NRXN1: variants seen among roughly 807,000 people sequenced by gnomAD.
The protein encoded by NRXN1 is neurexin-1.
Under a neutral mutation model 150.9 loss-of-function variants are expected in NRXN1, and 39 were observed. The ratio of observed to expected loss-of-function variants is 0.26; its 90% CI spans 0.20 to 0.34. The LOEUF is 0.34. Ranked by LOEUF, NRXN1 falls within the 10% of genes least tolerant of loss-of-function variation. NRXN1 has a pLI of 1.00. For synonymous variants in NRXN1, 924 were observed against 757.0 expected (o/e 1.22, Z -3.62); for missense variants, 1,815 against 1,949.9 (o/e 0.93, Z 1.30).
intron 5 of NRXN1, among the ~76,000 whole-genome samples, chr2:50,872,644 A>T (rs1677961940): frequency 6.6e-6 from 1 of 151,740 alleles, no homozygotes; most frequent in South Asian, 2.1e-4. Flanking sequence ...AATCACTCTC[A>T]CTGGTTTGTT....
chr2:49,934,657 C>T (rs1332275960), intron 22 of NRXN1, among the ~76,000 whole-genome samples: 1 of 152,132 alleles, frequency 6.6e-6, no homozygotes, highest in Admixed American at 6.5e-5. Context: ...AAAGACAAGG[C>T]ATCCATCATG....
chr2:50,293,161 A>C (rs546860494), intron 17 of NRXN1, among the ~76,000 whole-genome samples: 1 of 152,076 alleles, frequency 6.6e-6, no homozygotes, highest in Non-Finnish European at 1.5e-5. Flanking sequence ...GCCTTCTTCC[A>C]TTCCCAAGCC....
rs1357709780 is a variant in NRXN1 at position 50,621,262 on chromosome 2, G to A, written c.1135-13C>T. ...CAATGCCTGAGTGCTTTGTGGAGAA[G>A]GGGGGAGAAAGGAAATTAAAAACTG... On this transcript the variant is annotated splice_polypyrimidine_tract_variant and intron_variant, in intron 6 of 22. Coordinates refer to ENST00000401669, the MANE Select transcript of NRXN1 (RefSeq NM_001330078.2). 1.9e-6 allele frequency: 3 copies of A among 1,561,608 alleles called. No individual in the cohort carries two copies. The South Asian group carries it at 3.5e-5, about 18-fold the overall frequency.
At chr2:49,968,816 ATAGT>A (rs776672269) in intron 21 of NRXN1, among the ~76,000 whole-genome samples, 3 of 152,070 alleles carry the variant, frequency 2.0e-5, no homozygotes, top group African/African-American at 4.8e-5. Context: ...ATAGGGTAAA[ATAGT>A]TAGGCCTTCA....
chr2:50,666,492 AAATTATTTTCCAAAT>A (rs1332386516), intron 5 of NRXN1, among the ~76,000 whole-genome samples: 1 of 151,930 alleles, frequency 6.6e-6, no homozygotes, highest in South Asian at 2.1e-4. Flanking sequence ...AGAACCTCAC[AAATTATTTTCCAAAT>A]AATTATTTTC....
chr2:50,979,054 T>C (rs1377582055), intron 2 of NRXN1, among the ~76,000 whole-genome samples: 1 of 152,082 alleles, frequency 6.6e-6, no homozygotes, highest in East Asian at 1.9e-4. Context: ...AACTCTCCTC[T>C]AGGATTTTCT....
chr2:50,905,529 C>T (rs964163232), intron 5 of NRXN1, among the ~76,000 whole-genome samples: 1 of 152,106 alleles, frequency 6.6e-6, no homozygotes, highest in Non-Finnish European at 1.5e-5. Flanking sequence ...TCCCTTGCAG[C>T]CACATTTGTG....
chr2:50,062,522 T>C (rs1020722440), intron 19 of NRXN1, among the ~76,000 whole-genome samples: 1 of 152,130 alleles, frequency 6.6e-6, no homozygotes, highest in Non-Finnish European at 1.5e-5. Context: ...CATGTAACAA[T>C]ATTTGGTCAC....
intron 2 of NRXN1, among the ~76,000 whole-genome samples, chr2:50,972,649 C>T (rs892874419): frequency 6.6e-6 from 1 of 152,034 alleles, no homozygotes; most frequent in Non-Finnish European, 1.5e-5. Context: ...ATGGTCTCAT[C>T]TAGGGGTGAT....
At chr2:51,017,706 T>C (rs1668944597) in intron 2 of NRXN1, among the ~76,000 whole-genome samples, 1 of 151,844 alleles carries the variant, frequency 6.6e-6, no homozygotes, top group South Asian at 2.1e-4. Flanking sequence ...CACTGTGCTT[T>C]TGAGTAGTGA....
chr2:50,076,438 T>C (rs557475592), intron 19 of NRXN1, among the ~76,000 whole-genome samples: 1 of 152,342 alleles, frequency 6.6e-6, no homozygotes, highest in East Asian at 1.9e-4. Context: ...TTTCTAACTG[T>C]TTTGAAATTA....
intron 19 of NRXN1, among the ~76,000 whole-genome samples, chr2:50,066,066 C>T (rs1488320284): frequency 1.3e-5 from 2 of 152,146 alleles, no homozygotes; most frequent in Non-Finnish European, 2.9e-5. Flanking sequence ...ACTGCGGTTC[C>T]TACACATATC....
At chr2:50,674,518 T>C (rs1386263459) in intron 5 of NRXN1, among the ~76,000 whole-genome samples, 4 of 151,780 alleles carry the variant, frequency 2.6e-5, no homozygotes, top group Non-Finnish European at 4.4e-5. Context: ...GTATGGAAAA[T>C]AGAAAGGAAG....
chr2:50,891,016 A>C (rs1038519605), intron 5 of NRXN1, among the ~76,000 whole-genome samples: 1 of 152,034 alleles, frequency 6.6e-6, no homozygotes, highest in African/African-American at 2.4e-5. Context: ...ACATGTTTAT[A>C]CATGGTCAAT....
At chr2:50,621,335 T>C (rs898866599) in intron 6 of NRXN1, 86 bp from the exon 7 acceptor site, 52 of 1,014,716 alleles carry the variant, frequency 5.1e-5, no homozygotes, top group Admixed American at 3.2e-4. Flanking sequence ...GTCTCTACCA[T>C]GTTAGTACAT....
intron 10 of NRXN1, 55 bp downstream of exon 10, chr2:50,538,198 C>T: frequency 1.3e-6 from 2 of 1,561,140 alleles, no homozygotes; most frequent in Admixed American, 1.8e-5. Flanking sequence ...TTGAGGTCAA[C>T]ATTTAATAAA....
chr2:50,035,011 C>G (rs1399970475), intron 21 of NRXN1, among the ~76,000 whole-genome samples: 5 of 152,060 alleles, frequency 3.3e-5, no homozygotes, highest in Non-Finnish European at 2.9e-5. Flanking sequence ...AAGTCATATA[C>G]CTTTCTTATA....
intron 19 of NRXN1, among the ~76,000 whole-genome samples, chr2:50,088,390 T>C (rs1270093106): frequency 1.3e-5 from 2 of 152,198 alleles, no homozygotes; most frequent in East Asian, 3.8e-4. Flanking sequence ...GAGTTCTTTA[T>C]ATATTGATCA....
At chr2:50,687,962 G>A (rs1031189805) in intron 5 of NRXN1, among the ~76,000 whole-genome samples, 1 of 152,098 alleles carries the variant, frequency 6.6e-6, no homozygotes, top group East Asian at 1.9e-4. Context: ...TCTTCATATC[G>A]AGATGGAGGG....
Sources: gnomAD v4.1 joint callset for allele counts (sites outside exome capture counted in the v4.1 genomes callset) on GRCh38, gnomAD v4.1.1 for gene constraint, MANE v1.5 for transcripts, NCBI Gene and HGNC (gene_info 2026-07-23, HGNC 2026-07-21) for gene names.